NINL: variants seen among roughly 807,000 people sequenced by gnomAD.
NINL encodes the protein ninein like, also known as ninein-like protein.
In NINL, 153 loss-of-function variants were observed where a neutral mutation model predicts 160.3. That is an observed-to-expected ratio of 0.95 (90% CI 0.84 to 1.09). NINL has a LOEUF of 1.09. Among genes scored for constraint, NINL ranks in the 50% least tolerant of loss-of-function variants. The pLI is 0.00. For synonymous variants in NINL, 800 were observed against 734.8 expected, an observed-to-expected ratio of 1.09 and a Z score of -1.43; for missense variants, 1,829 against 1,764.0, an observed-to-expected ratio of 1.04 and a Z score of -0.66.
At chr20:25,526,700 C>T (rs1011610810) in intron 1 of NINL, 102 bp from the exon 2 acceptor site, 10 of 1,246,354 alleles carry the variant, frequency 8.0e-6, no homozygotes, top group African/African-American at 1.5e-5. Context: ...TCCAAGCAGA[C>T]GCAGGAGCTG....
rs2063850325 is a variant in NINL at position 25,500,737 on chromosome 20, C to A, written c.1032+103G>T. ...TGGCATTCTCTGCACAGAGCACACA[C>A]CCCTGCTGGGTCCCCTGGCTTGGGA... On this transcript the variant is annotated intron_variant, in intron 8 of 23. Transcript: ENST00000278886. 7 of 1,281,434 alleles carry A rather than the reference C, an allele frequency of 5.5e-6. No homozygotes were observed. The Admixed American group carries it at 8.6e-5, about 16-fold the overall frequency. The allele number at this position is 1,281,434 out of a possible 1,614,324, so 79.4% of individuals were successfully genotyped here.
intron 1 of NINL, among the ~76,000 whole-genome samples, chr20:25,551,153 T>C (rs935179865): frequency 7.3e-5 from 11 of 150,118 alleles, no homozygotes; most frequent in Non-Finnish European, 3.0e-5. Flanking sequence ...CTAAATCCAT[T>C]AAACCTTGAG....
At chr20:25,529,999 A>G (rs1333077800) in intron 1 of NINL, among the ~76,000 whole-genome samples, 2 of 152,216 alleles carry the variant, frequency 1.3e-5, no homozygotes, top group Non-Finnish European at 2.9e-5. Context: ...ACCAGGGCCC[A>G]ATTTCCAGCC....
At chr20:25,510,402 T>C (rs2064045966) in intron 5 of NINL, among the ~76,000 whole-genome samples, 1 of 152,162 alleles carries the variant, frequency 6.6e-6, no homozygotes, top group Non-Finnish European at 1.5e-5. Context: ...TTGCAGACCA[T>C]AAAGTGTGAC....
intron 16 of NINL, among the ~76,000 whole-genome samples, chr20:25,477,976 T>A (rs1731990284): frequency 6.7e-6 from 1 of 148,404 alleles, no homozygotes. Context: ...TTTAGACGAG[T>A]CTCACTTTGT....
intron 1 of NINL, among the ~76,000 whole-genome samples, chr20:25,542,542 T>G (rs2064679735): frequency 7.1e-6 from 1 of 141,596 alleles, no homozygotes. Flanking sequence ...AAGAATATTC[T>G]TAAAGAGATC....
chr20:25,476,325 C>T lies in NINL; in HGVS notation c.2966G>A (p.Gly989Asp). The T allele has an allele frequency of 6.2e-7, 1 of 1,612,936 alleles. No homozygotes were observed. The highest frequency in any genetic ancestry group is 1.1e-5 in the South Asian group (1 of 91,076). Residue 989 changes from glycine (G) to aspartate (D), a missense_variant, in exon 17 of 24, where the codon GGC becomes GAC. Physicochemically the swap from Gly to Asp is moderately conservative, Grantham distance 94. Coordinates refer to ENST00000278886, the MANE Select transcript of NINL (RefSeq NM_025176.6). ...CTGCTCCGAGGCCTGCTCCTGGGTG[C>T]CCCTGCTCCAGCTTCGTGCTCGCTC... is the stretch of plus-strand genomic sequence containing the variant. ...QEERARSWSR[G>D]TQEQASEQQA...
intron 21 of NINL, among the ~76,000 whole-genome samples, chr20:25,459,196 C>T (rs758526674): frequency 2.6e-5 from 4 of 152,336 alleles, no homozygotes; most frequent in African/African-American, 4.8e-5. Flanking sequence ...GACCCCAAGA[C>T]GGAGTGGGAA....
chr20:25,524,138 C>T (rs1017736699), intron 2 of NINL, among the ~76,000 whole-genome samples: 1 of 152,114 alleles, frequency 6.6e-6, no homozygotes, highest in African/African-American at 2.4e-5. Flanking sequence ...GGGAGCTCTG[C>T]CCTGTCTGTG....
At chr20:25,517,552 C>T (rs1231699177) in intron 3 of NINL, among the ~76,000 whole-genome samples, 5 of 152,140 alleles carry the variant, frequency 3.3e-5, no homozygotes, top group South Asian at 2.1e-4. Flanking sequence ...GCACAGTGCA[C>T]GTTATTATAT....
intron 1 of NINL, among the ~76,000 whole-genome samples, chr20:25,567,599 A>T (rs968294250): frequency 2.6e-5 from 4 of 152,222 alleles, no homozygotes; most frequent in Non-Finnish European, 5.9e-5. Context: ...AGAAGAAAAA[A>T]AACCCTTAGG....
At chr20:25,484,687 T>TA (rs2063472766) in intron 13 of NINL, among the ~76,000 whole-genome samples, 1 of 152,176 alleles carries the variant, frequency 6.6e-6, no homozygotes, top group Non-Finnish European at 1.5e-5. Flanking sequence ...CTAGCTTGAG[T>TA]AGAATGCCAA....
chr20:25,464,623 C>T (rs749909913), intron 19 of NINL, among the ~76,000 whole-genome samples: 18 of 152,182 alleles, frequency 1.2e-4, no homozygotes, highest in Non-Finnish European at 2.2e-4. Context: ...TCCACAGCCG[C>T]CTGCCTCCCG....
intron 13 of NINL, 22 bp downstream of exon 13, chr20:25,489,222 G>C: frequency 6.2e-7 from 1 of 1,611,886 alleles, no homozygotes; most frequent in East Asian, 2.2e-5. Flanking sequence ...GAGACTAAAA[G>C]GCAGACAGAG....
chr20:25,469,831 C>T (rs770440890), intron 18 of NINL, among the ~76,000 whole-genome samples, 160 bp downstream of exon 18: 2 of 152,220 alleles, frequency 1.3e-5, no homozygotes, highest in African/African-American at 2.4e-5. Context: ...CCACATCTGC[C>T]GAGTCGTTCA....
intron 5 of NINL, 76 bp from the exon 6 acceptor site, chr20:25,505,154 C>T (rs2063938777): frequency 4.4e-6 from 6 of 1,350,916 alleles, no homozygotes; most frequent in South Asian, 3.0e-5. Flanking sequence ...GAAAGAAGGA[C>T]GTTCTGCCCT....
chr20:25,563,629 C>T (rs2064969107), intron 1 of NINL, among the ~76,000 whole-genome samples: 1 of 151,928 alleles, frequency 6.6e-6, no homozygotes, highest in African/African-American at 2.4e-5. Flanking sequence ...TAAAACAGAC[C>T]CAAACATATG....
At chr20:25,533,299 C>T (rs1345103025) in intron 1 of NINL, among the ~76,000 whole-genome samples, 4 of 152,008 alleles carry the variant, frequency 2.6e-5, no homozygotes, top group African/African-American at 7.3e-5. Context: ...CACACACACG[C>T]GCACACAGAA....
At chr20:25,458,862 A>C in intron 21 of NINL, 1 of 285,280 alleles carries the variant, frequency 3.5e-6, no homozygotes. Context: ...TTTTCAAACA[A>C]CGACCACGCC....
Sources: allele counts gnomAD v4.1 joint callset (sites outside exome capture counted in the v4.1 genomes callset), GRCh38; gene constraint gnomAD v4.1.1; transcripts MANE v1.5; gene names NCBI Gene and HGNC (gene_info 2026-07-23, HGNC 2026-07-21).